Variants in PDZRN4 observed in about 807,000 individuals in gnomAD.
PDZRN4 encodes the protein PDZ domain-containing RING finger protein 4.
PDZRN4 carries 70 observed loss-of-function variants against 99.0 expected under a neutral mutation model. The observed-to-expected ratio is 0.71, with a 90% CI of 0.58 to 0.86. PDZRN4 has a LOEUF of 0.86. Ranked by LOEUF, PDZRN4 falls within the 40% of genes least tolerant of loss-of-function variation. PDZRN4 has a pLI of 0.00. For missense variants in PDZRN4, 1,474 were observed against 1,331.2 expected (o/e 1.11, Z -1.67); for synonymous variants, 551 against 501.6 (o/e 1.10, Z -1.32).
At chr12:41,394,588 G>T (rs536144802) in intron 3 of PDZRN4, among the ~76,000 whole-genome samples, 151 of 152,170 alleles carry the variant, frequency 9.9e-4, no homozygotes, top group African/African-American at 3.0e-3. Flanking sequence ...CCAAGCTATT[G>T]GCCAAGGCTG....
intron 3 of PDZRN4, among the ~76,000 whole-genome samples, chr12:41,352,466 A>G (rs1042845273): frequency 1.3e-5 from 2 of 152,074 alleles, no homozygotes; most frequent in African/African-American, 4.8e-5. Flanking sequence ...TTCATTTATC[A>G]TGGCATTTCT....
In PDZRN4 at chr12:41,197,920, G is replaced by GTTTTTTTTTTTTTTTTTTTTTTTTTTTT. The variant is rs533696414; in HGVS notation, c.843+3743_843+3744insTTTTTTTTTTTTTTTTTTTTTTTTTTTT. Among the ~76,000 whole-genome samples, 25 of 115,610 alleles carry GTTTTTTTTTTTTTTTTTTTTTTTTTTTT rather than the reference G, an allele frequency of 2.2e-4. 1 individual carries two copies. The highest frequency in any genetic ancestry group is 6.0e-4 in the South Asian group (2 of 3,332). 75.8% of individuals were successfully genotyped at this position (115,610 alleles called of 152,430 possible). On this transcript the variant is annotated intron_variant, in intron 3 of 9. Coordinates refer to ENST00000402685, the MANE Select transcript of PDZRN4 (RefSeq NM_001164595.2). ...TTCTTCTTTTCCTTGTTTTTTCTGG[G>GTTTTTTTTTTTTTTTTTTTTTTTTTTTT]TTTTTTTTTTTGGAGACAGGATCTT...
Position 41,188,711 on chromosome 12 carries a change from C to G in PDZRN4, c.256C>G (p.Arg86Gly). Residue 86 changes from arginine to glycine, a missense_variant, in exon 1 of 10, where the codon CGC becomes GGC. Arg to Gly is a moderately radical substitution (Grantham distance 125, BLOSUM62 -2). Transcript: ENST00000402685. The stretch of plus-strand genomic sequence containing the variant: ...GCGAGTCCAGTGCGACTACCGCGCC[C>G]GCGGCTGCGGCCACTCGGTCAGGCT... Reference protein sequence around the residue: ...KLRVQCDYRARGCGHSVRLHE... With the variant: ...KLRVQCDYRAGGCGHSVRLHE... 2.6e-6 allele frequency: 4 copies of G among 1,556,960 alleles called. No individual in the cohort carries two copies. Among genetic ancestry groups the G allele is most frequent in the African/African-American group, 2.8e-5 (2 of 71,860 alleles).
chr12:41,519,485 C>T (rs1938456129), intron 5 of PDZRN4, among the ~76,000 whole-genome samples: 1 of 152,078 alleles, frequency 6.6e-6, no homozygotes, highest in South Asian at 2.1e-4. Flanking sequence ...GGCCCTATCC[C>T]CAATTCCTCT....
intron 3 of PDZRN4, among the ~76,000 whole-genome samples, chr12:41,458,334 T>G (rs1952835635): frequency 6.6e-6 from 1 of 152,194 alleles, no homozygotes; most frequent in Non-Finnish European, 1.5e-5. Flanking sequence ...ATTTTGTATT[T>G]TTGGTAGAGA....
chr12:41,522,808 C>T (rs559849440), intron 5 of PDZRN4, among the ~76,000 whole-genome samples: 2 of 152,210 alleles, frequency 1.3e-5, no homozygotes, highest in Admixed American at 1.3e-4. Flanking sequence ...TGATTAGTAT[C>T]AGATCAATCA....
Position 41,555,728 on chromosome 12 carries a change from G to C in PDZRN4, c.1333G>C (p.Gly445Arg). The change falls in exon 7 of 10, where the codon GGC (glycine) becomes CGC (arginine). Residue 445 changes from glycine to arginine, a missense_variant. Coordinates refer to ENST00000402685, the MANE Select transcript of PDZRN4 (RefSeq NM_001164595.2). ...VDPNSIAAKD[G>R]RIREGDRILQ... ...CCCAAATAGCATTGCTGCCAAAGACGGCCGGATTCGAGAAGGGGATCGGAT... is the reference window on the plus strand; with the variant it reads ...CCCAAATAGCATTGCTGCCAAAGACCGCCGGATTCGAGAAGGGGATCGGAT... The C allele has an allele frequency of 1.2e-6, 2 of 1,613,884 alleles. No individual in the cohort carries two copies. The highest frequency in any genetic ancestry group is 1.7e-6 in the Non-Finnish European group (2 of 1,179,908).
chr12:41,464,297 GAAA>G (rs5797737), intron 3 of PDZRN4, among the ~76,000 whole-genome samples: 1 of 149,524 alleles, frequency 6.7e-6, no homozygotes. Flanking sequence ...TAGCTTTCAG[GAAA>G]AAAAAAAAAT....
At chr12:41,555,923 G>A (rs1939152939) in intron 7 of PDZRN4, among the ~76,000 whole-genome samples, 163 bp downstream of exon 7, 1 of 151,874 alleles carries the variant, frequency 6.6e-6, no homozygotes, top group South Asian at 2.1e-4. Flanking sequence ...ACTAATTTAG[G>A]ATGGTGCGAT....
rs368665426 is a variant in PDZRN4, at chr12:41,567,934, T to C, written c.1584+35T>C. 2.5e-6 allele frequency: 3 copies of C among 1,219,412 alleles called. No individual in the cohort carries two copies. The South Asian group carries it at 4.1e-5, about 17-fold the overall frequency. The allele number at this position is 1,219,412 out of a possible 1,614,324, so 75.5% of individuals were successfully genotyped here. A position where few individuals can be genotyped will look rare whatever the true frequency, so the allele number is the denominator to read the frequency against. ...ACAATTTGAACTACATCATTTGATATGTTGCTTGTTCTTTTTTTAATGTGT... is the reference window on the plus strand; with the variant it reads ...ACAATTTGAACTACATCATTTGATACGTTGCTTGTTCTTTTTTTAATGTGT... On this transcript the variant is annotated intron_variant, in intron 9 of 9. Coordinates refer to ENST00000402685, the MANE Select transcript of PDZRN4 (RefSeq NM_001164595.2).
At chr12:41,257,708 G>A (rs934005047) in intron 3 of PDZRN4, among the ~76,000 whole-genome samples, 21 of 152,196 alleles carry the variant, frequency 1.4e-4, no homozygotes, top group African/African-American at 5.1e-4. Context: ...AGGAGATTGG[G>A]TCTTTCAATT....
chr12:41,210,550 T>C (rs1338653223), intron 3 of PDZRN4, among the ~76,000 whole-genome samples: 1 of 152,054 alleles, frequency 6.6e-6, no homozygotes, highest in Non-Finnish European at 1.5e-5. Flanking sequence ...TCTTCATTTG[T>C]AGCAATTGAT....
At chr12:41,571,335 GTCTCTCTCTCTCTCTCTCTCTCTC>G (rs752003607) in intron 9 of PDZRN4, among the ~76,000 whole-genome samples, 9 of 101,170 alleles carry the variant, frequency 8.9e-5, no homozygotes, top group African/African-American at 2.3e-4. Flanking sequence ...AATTACCAGA[GTCTCTCTCTCTCTCTCTCTCTCTC>G]TCTCTCTCTC....
intron 1 of PDZRN4, among the ~76,000 whole-genome samples, chr12:41,189,924 C>A (rs1007253040): frequency 1.3e-5 from 2 of 152,144 alleles, no homozygotes; most frequent in African/African-American, 4.8e-5. Context: ...AACTGCGCTC[C>A]TGGTCCTCCC....
At chr12:41,534,393 G>A (rs2120748404) in intron 5 of PDZRN4, among the ~76,000 whole-genome samples, 1 of 152,068 alleles carries the variant, frequency 6.6e-6, no homozygotes, top group Middle Eastern at 3.4e-3. Flanking sequence ...CCAATACCTA[G>A]GTATTAAGCC....
chr12:41,554,805 A>ATGTGCGTGTGTGTG (rs1939116585), intron 6 of PDZRN4, among the ~76,000 whole-genome samples: 1 of 151,724 alleles, frequency 6.6e-6, no homozygotes, highest in African/African-American at 2.4e-5. Context: ...CATGGATCAG[A>ATGTGCGTGTGTGTG]TGTGCGTGTG....
rs1939541732 is a variant in PDZRN4 at position 41,574,470 on chromosome 12, G to A, written c.*580G>A. ...ATAAATGGCCATTGTCTTTGTCTCA[G>A]TAAAGTGTAGGTGGACAATCTTCCT... On this transcript the variant is annotated 3_prime_UTR_variant, in exon 10 of 10. Coordinates refer to ENST00000402685, the MANE Select transcript of PDZRN4 (RefSeq NM_001164595.2). The A allele has an allele frequency of 6.6e-6, 1 of 152,620 alleles. No homozygotes were observed. The highest frequency in any genetic ancestry group is 2.1e-4 in the South Asian group (1 of 4,826). 9.5% of individuals were successfully genotyped at this position (152,620 alleles called of 1,614,324 possible).
At chr12:41,451,874 C>A (rs1455099364) in intron 3 of PDZRN4, among the ~76,000 whole-genome samples, 2 of 152,270 alleles carry the variant, frequency 1.3e-5, no homozygotes, top group East Asian at 3.9e-4. Flanking sequence ...TCTTCTACTA[C>A]AACCAGAAAA....
Position 41,188,510 on chromosome 12 carries a change from A to G in PDZRN4, c.55A>G (p.Lys19Glu), listed in dbSNP as rs1352880786. ...AEAVDPALEC[K>E]LCGQVLEEPL... ...AGCCGTGGACCCGGCTCTGGAGTGC[A>G]AACTGTGCGGCCAGGTGCTTGAAGA... The change falls in exon 1 of 10, where the codon AAA becomes GAA. Residue 19 changes from lysine (K) to glutamate (E), a missense_variant. By Grantham distance (56) the Lys-to-Glu change is moderately conservative. Transcript: ENST00000402685. 2 of 1,589,760 alleles carry G rather than the reference A, an allele frequency of 1.3e-6. No homozygotes were observed. Among genetic ancestry groups the G allele is most frequent in the Non-Finnish European group, 1.7e-6 (2 of 1,176,032 alleles).
Sources: gnomAD v4.1 joint callset for allele counts (sites outside exome capture counted in the v4.1 genomes callset) on GRCh38, gnomAD v4.1.1 for gene constraint, MANE v1.5 for transcripts, NCBI Gene and HGNC (gene_info 2026-07-23, HGNC 2026-07-21) for gene names.